Variants in KRT3 observed in about 807,000 individuals in gnomAD.
The protein encoded by KRT3 is keratin, type II cytoskeletal 3.
Under a neutral mutation model 45.8 loss-of-function variants are expected in KRT3, and 34 were observed. That is an observed-to-expected ratio of 0.74 (90% confidence interval 0.57 to 0.99). KRT3 has a LOEUF of 0.99. Ranked by LOEUF, KRT3 falls within the 50% of genes least tolerant of loss-of-function variation. KRT3 has a pLI of 0.00. For synonymous variants in KRT3, 367 were observed against 329.0 expected (o/e 1.12, Z -1.25); for missense variants, 828 against 820.6 (o/e 1.01, Z -0.11).
chr12:52,791,381 C>T lies in KRT3; in HGVS notation c.1360G>A (p.Glu454Lys). The T allele has an allele frequency of 2.5e-6, 4 of 1,614,238 alleles. No individual in the cohort carries two copies. Residue 454 changes from glutamate (E) to lysine (K), a missense_variant, in exon 7 of 9, where the codon GAG becomes AAG. By Grantham distance (56) the Glu-to-Lys change is moderately conservative (BLOSUM62 1). Coordinates refer to ENST00000417996, the MANE Select transcript of KRT3 (RefSeq NM_057088.3). ...GCATTGGCATCCTTGAGGGCCATCT[C>T]TCCATGCTGCTCGGCCTCGGCAATG... is the stretch of plus-strand genomic sequence containing the variant. ...TAIAEAEQHG[E>K]MALKDANAKL... is the part of the protein sequence containing the mutation.
In KRT3 at chr12:52,794,175, C is replaced by T. The variant is rs1939587517; in HGVS notation, c.802G>A (p.Glu268Lys). The T allele has an allele frequency of 6.2e-7, 1 of 1,614,202 alleles. No individual in the cohort carries two copies. Among genetic ancestry groups the T allele is most frequent in the Non-Finnish European group, 8.5e-7 (1 of 1,180,036 alleles). Residue 268 changes from glutamate to lysine, a missense_variant, in exon 2 of 9, where the codon GAG becomes AAG. Physicochemically the swap from Glu to Lys is moderately conservative, Grantham distance 56. Transcript: ENST00000417996. ...AGCTCAGAGTCCAGGCGCCCTCTCT[C>T]CCCGAGGATGTTGTCCAGGTAGCTC... ...LRSYLDNILG[E>K]RGRLDSELKN...
chr12:52,790,535 A>T (rs1939468234), intron 8 of KRT3, among the ~76,000 whole-genome samples, 177 bp from the exon 9 acceptor site: 2 of 152,218 alleles, frequency 1.3e-5, no homozygotes, highest in African/African-American at 4.8e-5. Flanking sequence ...CCGTTAAGCC[A>T]TTATGAATTA....
chr12:52,792,744 A>T lies in KRT3; in HGVS notation c.990T>A (p.Asp330Glu). ...AGAGGGTCCTTAAGAAGTCGATCTC[A>T]TCTATCAAGGCATCCACTTTGGCCT... The part of the protein sequence containing the change: ...ELQAKVDALI[D>E]EIDFLRTLYD... The change falls in exon 4 of 9, where the codon GAT (aspartate) becomes GAA (glutamate). Residue 330 changes from aspartate to glutamate, a missense_variant. Transcript: ENST00000417996. 1.9e-6 allele frequency: 3 copies of T among 1,607,302 alleles called. No homozygotes were observed. Among genetic ancestry groups the T allele is most frequent in the Non-Finnish European group, 2.6e-6 (3 of 1,173,828 alleles).
At chr12:52,790,674 G>GC (rs1309183827) in intron 8 of KRT3, among the ~76,000 whole-genome samples, 164 bp downstream of exon 8, 1 of 152,162 alleles carries the variant, frequency 6.6e-6, no homozygotes, top group Non-Finnish European at 1.5e-5. Context: ...TATTAAAAGT[G>GC]CCCTGAACCC....
At chr12:52,792,684 T>G in intron 4 of KRT3, 27 bp downstream of exon 4, 6 of 1,490,272 alleles carry the variant, frequency 4.0e-6, no homozygotes, top group Non-Finnish European at 5.6e-6. Flanking sequence ...TCTCCCTCTG[T>G]CCCTTCTTAG....
At chr12:52,790,392 C>T (rs766438797) in intron 8 of KRT3, 34 bp from the exon 9 acceptor site, 2 of 1,554,446 alleles carry the variant, frequency 1.3e-6, no homozygotes, top group Non-Finnish European at 1.7e-6. Context: ...CGATCAGCGA[C>T]GGCGCCCAGG....
intron 8 of KRT3, 25 bp from the exon 9 acceptor site, chr12:52,790,383 G>T (rs773744557): frequency 6.4e-7 from 1 of 1,565,880 alleles, no homozygotes. Context: ...ACAGGACAGC[G>T]ATCAGCGACG....
Position 52,795,772 on chromosome 12 carries a change from C to T in KRT3, c.271G>A (p.Gly91Ser). ...GGGRSSCAFA[G>S]GYGGGFGSGY... ...CTCCCAAAGCCACCTCCATAGCCAC[C>T]TGCAAAGGCACAGCTGCTCCGCCCT... is the stretch of plus-strand genomic sequence containing the variant. Residue 91 changes from glycine to serine, a missense_variant, in exon 1 of 9, where the codon GGT (glycine) becomes AGT (serine). Transcript: ENST00000417996. 3 of 1,614,042 alleles carry T rather than the reference C, an allele frequency of 1.9e-6. No homozygotes were observed. The highest frequency in any genetic ancestry group is 2.5e-6 in the Non-Finnish European group (3 of 1,179,898).
At position 52,795,446 on chromosome 12, in the gene KRT3, C is replaced by T. The variant is rs368255227; in HGVS notation, c.597G>A (p.Arg199=). Residue 199 remains arginine (R), a synonymous_variant, in exon 1 of 9, where the codon CGG becomes CGA. Coordinates refer to ENST00000417996, the MANE Select transcript of KRT3 (RefSeq NM_057088.3). Reference sequence around the variant, plus strand: ...TGTTGTTGAGGGTCTTGATCTGTTCCCGCTCCTGGGCCTTTACTTGCCCAA... The same window carrying T: ...TGTTGTTGAGGGTCTTGATCTGTTCTCGCTCCTGGGCCTTTACTTGCCCAA... ...PQIGQVKAQE[R]EQIKTLNNKF... The T allele has an allele frequency of 6.8e-5, 110 of 1,614,174 alleles. No individual in the cohort carries two copies. The African/African-American group carries it at 1.2e-3, about 18-fold the overall frequency.
At position 52,794,078 on chromosome 12, in the gene KRT3, A is replaced by T. The variant is rs775170057; in HGVS notation, c.866+33T>A. 5.8e-6 allele frequency: 9 copies of T among 1,551,562 alleles called. No homozygotes were observed. The African/African-American group carries it at 9.5e-5, about 16-fold the overall frequency. On this transcript the variant is annotated intron_variant, in intron 2 of 8. Coordinates refer to ENST00000417996, the MANE Select transcript of KRT3 (RefSeq NM_057088.3). ...CCAAGACTCTGAGACAGGGTGGGCCATGGCATCTTCCCACTCCTGCCCTGT... is the reference window on the plus strand; with the variant it reads ...CCAAGACTCTGAGACAGGGTGGGCCTTGGCATCTTCCCACTCCTGCCCTGT...
Position 52,792,294 on chromosome 12 carries a change from T to C in KRT3, c.1133A>G (p.Tyr378Cys). 1 of 1,614,156 alleles carries C rather than the reference T, an allele frequency of 6.2e-7. No individual in the cohort carries two copies. The highest frequency in any genetic ancestry group is 8.5e-7 in the Non-Finnish European group (1 of 1,179,994). ...DSIIAEVRAQ[Y>C]EDIAQRSKAE... ...CTTGCTTCTCTGAGCGATATCCTCA[T>C]ACTGTGCACGAACTTCAGCAATGAT... is the stretch of plus-strand genomic sequence containing the variant. The change falls in exon 5 of 9, where the codon TAT becomes TGT. Residue 378 changes from tyrosine to cysteine, a missense_variant. Transcript: ENST00000417996.
Position 52,796,081 on chromosome 12 carries a change from A to G in KRT3, c.-39T>C, listed in dbSNP as rs766793910. On this transcript the variant is annotated 5_prime_UTR_variant, in exon 1 of 9. Coordinates refer to ENST00000417996, the MANE Select transcript of KRT3 (RefSeq NM_057088.3). ...GCGAAGAGAAGAGTGTAAGTTAAGCAGGGACACTGAGAGTCAGAGGAAGAG... is the reference window on the plus strand; with the variant it reads ...GCGAAGAGAAGAGTGTAAGTTAAGCGGGGACACTGAGAGTCAGAGGAAGAG... 19 of 1,603,090 alleles carry G rather than the reference A, an allele frequency of 1.2e-5. No homozygotes were observed. Among genetic ancestry groups the G allele is most frequent in the Non-Finnish European group, 1.5e-5 (18 of 1,173,708 alleles).
Position 52,795,645 on chromosome 12 carries a change from C to T in KRT3, c.398G>A (p.Gly133Glu), listed in dbSNP as rs748539153. Residue 133 changes from glycine (G) to glutamate (E), a missense_variant, in exon 1 of 9, where the codon GGG becomes GAG. By Grantham distance (98) the Gly-to-Glu change is moderately conservative. Transcript: ENST00000417996. ...ACCAGGACCACCAAAGCCACCAGCC[C>T]CTCCAAAGCCACCAGCCCCTCCAAA... ...GGFGGAGGFG[G>E]AGGFGGPGGF... is the part of the protein sequence containing the mutation. The T allele has an allele frequency of 9.0e-6, 13 of 1,446,760 alleles. No homozygotes were observed. Among genetic ancestry groups the T allele is most frequent in the African/African-American group, 3.6e-5 (2 of 54,796 alleles). 89.6% of individuals were successfully genotyped at this position (1,446,760 alleles called of 1,614,324 possible).
intron 4 of KRT3, 67 bp downstream of exon 4, chr12:52,792,644 G>A: frequency 1.6e-6 from 2 of 1,229,286 alleles, no homozygotes; most frequent in South Asian, 1.2e-5. Flanking sequence ...ATACCAAAAT[G>A]CACCAGCCTC....
chr12:52,793,175 CA>C lies in KRT3; in HGVS notation c.914del (p.Val305GlyfsTer3). The C allele has an allele frequency of 6.2e-7, 1 of 1,611,498 alleles. No individual in the cohort carries two copies. The highest frequency in any genetic ancestry group is 8.5e-7 in the Non-Finnish European group (1 of 1,178,694). ...NKRTAAENEF[V>X]TLKKDVDSAY... Reference sequence around the variant, plus strand: ...ACACAGCCCTTACCTTCTTCAGAGTCACAAATTCATTCTCAGCAGCTGTACG... The same window carrying C: ...ACACAGCCCTTACCTTCTTCAGAGTCCAAATTCATTCTCAGCAGCTGTACG... On this transcript the variant is annotated frameshift_variant, in exon 3 of 9. Coordinates refer to ENST00000417996, the MANE Select transcript of KRT3 (RefSeq NM_057088.3). LOFTEE classifies it high-confidence loss of function.
Position 52,795,937 on chromosome 12 carries a change from C to A in KRT3, c.106G>T (p.Gly36Trp). ...SSRMSCVAHS[G>W]GAGGGAYGFR... ...CCATAGGCCCCTCCGCCAGCTCCCC[C>A]AGAGTGGGCCACACAGCTCATCCTG... Residue 36 changes from glycine (G) to tryptophan (W), a missense_variant, in exon 1 of 9, where the codon GGG becomes TGG. By Grantham distance (184) the Gly-to-Trp change is radical. Transcript: ENST00000417996. 2 of 1,614,152 alleles carry A rather than the reference C, an allele frequency of 1.2e-6. No homozygotes were observed. The highest frequency in any genetic ancestry group is 1.7e-6 in the Non-Finnish European group (2 of 1,180,020).
chr12:52,791,720 G>A lies in KRT3; in HGVS notation c.1285C>T (p.Arg429Trp), dbSNP rs369797699. ...TTCTTGACACCCTCGATCTCTGCCC[G>A]CAGCCTCTGGATCATTCTGTTGAGC... ...IELNRMIQRL[R>W]AEIEGVKKQN... Residue 429 changes from arginine (R) to tryptophan (W), a missense_variant, in exon 6 of 9, where the codon CGG becomes TGG. Arg to Trp is a moderately radical substitution (Grantham distance 101). Coordinates refer to ENST00000417996, the MANE Select transcript of KRT3 (RefSeq NM_057088.3). The A allele has an allele frequency of 1.9e-5, 31 of 1,613,916 alleles. No homozygotes were observed. The highest frequency in any genetic ancestry group is 5.3e-5 in the African/African-American group (4 of 74,902).
Position 52,790,071 on chromosome 12 carries a change from A to G in KRT3, c.1858T>C (p.Ser620Pro). 6.5e-7 allele frequency: 1 copy of G among 1,540,496 alleles called. No individual in the cohort carries two copies. The highest frequency in any genetic ancestry group is 8.7e-7 in the Non-Finnish European group (1 of 1,146,858). Residue 620 changes from serine (S) to proline (P), a missense_variant, in exon 9 of 9, where the codon TCC (serine) becomes CCC (proline). Physicochemically the swap from Ser to Pro is moderately conservative, Grantham distance 74 (BLOSUM62 -1). Transcript: ENST00000417996. ...CTGGAGTAGCGCTGGGAGGACTGGG[A>G]GGACTGGGAGAACTTGATGCTGCCG... Reference protein sequence around the residue: ...RGGSIKFSQSSQSSQRYSR With the variant: ...RGGSIKFSQSPQSSQRYSR
At chr12:52,790,745 G>T (rs1003783165) in intron 8 of KRT3, 93 bp downstream of exon 8, 6 of 1,162,606 alleles carry the variant, frequency 5.2e-6, no homozygotes, top group African/African-American at 1.5e-5. Flanking sequence ...TCCAACTTCC[G>T]TAAAAATATG....
Sources: gnomAD v4.1 joint callset for allele counts (sites outside exome capture counted in the v4.1 genomes callset) on GRCh38, gnomAD v4.1.1 for gene constraint, MANE v1.5 for transcripts, NCBI Gene and HGNC (gene_info 2026-07-23, HGNC 2026-07-21) for gene names.